Variants in DPP9 observed in about 807,000 individuals in gnomAD.
DPP9 encodes the protein dipeptidyl peptidase IV-related protein-2.
DPP9 carries 50 observed loss-of-function variants against 110.7 expected under a neutral mutation model. The ratio of observed to expected loss-of-function variants is 0.45; its 90% CI spans 0.36 to 0.57. The LOEUF (loss-of-function observed/expected upper bound fraction) is 0.57, where lower values mean the gene tolerates loss of function less well. Among genes scored for constraint, DPP9 ranks in the 20% least tolerant of loss-of-function variants. DPP9 has a pLI of 0.00. For missense variants in DPP9, 1,022 were observed against 1,217.9 expected (o/e 0.84, Z 2.39); for synonymous variants, 561 against 514.4 (o/e 1.09, Z -1.23).
intron 2 of DPP9, 89 bp from the exon 3 acceptor site, chr19:4,720,030 G>GT: frequency 8.7e-7 from 1 of 1,146,656 alleles, no homozygotes; most frequent in Non-Finnish European, 1.3e-6. Context: ...CCTCCTCATT[G>GT]CTCCAGGCAG....
chr19:4,705,759 G>A (rs1599926976), intron 5 of DPP9, 99 bp downstream of exon 5: 4 of 1,162,346 alleles, frequency 3.4e-6, no homozygotes. Context: ...CTCACAGCCG[G>A]TGGGGCAGAG....
At chr19:4,705,232 G>C (rs2041815399) in intron 5 of DPP9, among the ~76,000 whole-genome samples, 1 of 152,106 alleles carries the variant, frequency 6.6e-6, no homozygotes, top group Admixed American at 6.6e-5. Flanking sequence ...TTGCTATATT[G>C]TTACTATTTT....
chr19:4,699,405 T>C (rs527861261), intron 10 of DPP9, among the ~76,000 whole-genome samples: 55 of 152,134 alleles, frequency 3.6e-4, no homozygotes, highest in Non-Finnish European at 7.5e-4. Context: ...GTTACTTAAC[T>C]TCCTGACACC....
Position 4,682,791 on chromosome 19 carries a change from T to A in DPP9, c.2379A>T (p.Thr793=), listed in dbSNP as rs748796278. ...APVTVWMAYD[T]GYTERYMDVP... is the part of the protein sequence containing the mutation. ...CGTCCATGTAGCGCTCAGTGTACCC[T>A]GTGTCGTAGGCCATCCAGACGGTGA... Residue 793 remains threonine (T), a synonymous_variant, in exon 20 of 22, where the codon ACA becomes ACT. Transcript: ENST00000262960. This position sits in a 1 kb window ranked among gnomAD's most constrained non-coding sequence, Gnocchi z 7.1. 2 of 1,599,378 alleles carry A rather than the reference T, an allele frequency of 1.3e-6. No individual in the cohort carries two copies. The highest frequency in any genetic ancestry group is 8.5e-7 in the Non-Finnish European group (1 of 1,173,482).
rs551524398 is a variant in DPP9, at chr19:4,718,270, G to A, written c.56+1581C>T. On this transcript the variant is annotated intron_variant, in intron 3 of 21. Coordinates refer to ENST00000262960, the MANE Select transcript of DPP9 (RefSeq NM_139159.5). The surrounding 1 kb of genome is among the most constrained non-coding windows in gnomAD (Gnocchi z 4.3). ...CTGAGCTGGTGCTTTGGTGGCGAGC[G>A]GGGGCGGGGGAGTAGTTGGAGATGG... Among the ~76,000 whole-genome samples, 442 of 152,268 alleles carry A rather than the reference G, an allele frequency of 2.9e-3. 1 individual carries two copies. Among genetic ancestry groups the A allele is most frequent in the African/African-American group, 0.01 (419 of 41,568 alleles).
chr19:4,702,325 G>A (rs775420982), intron 8 of DPP9, among the ~76,000 whole-genome samples, 170 bp from the exon 9 acceptor site: 2 of 152,220 alleles, frequency 1.3e-5, no homozygotes, highest in Admixed American at 6.5e-5. Flanking sequence ...AACTCTCTGG[G>A]CTTCAGTTTC....
At chr19:4,722,703 A>G (rs2093374215) in intron 1 of DPP9, 152 bp from the exon 2 acceptor site, 4 of 629,110 alleles carry the variant, frequency 6.4e-6, no homozygotes, top group East Asian at 2.8e-5. Context: ...CACTGTCTGC[A>G]TGCCCTGGAC....
At chr19:4,677,125 T>C (rs2088944950) in intron 21 of DPP9, among the ~76,000 whole-genome samples, 1 of 152,088 alleles carries the variant, frequency 6.6e-6, no homozygotes, top group Non-Finnish European at 1.5e-5. Context: ...TTGTGAAGCA[T>C]TTTCTGGGTC....
Position 4,695,497 on chromosome 19 carries a change from G to T in DPP9, c.1234C>A (p.Pro412Thr). ...QQWLQLVLLPPALFIPSTENE... is the reference protein window; with the variant it reads ...QQWLQLVLLPTALFIPSTENE... ...TCTGTGCTCGGGATGAACAGGGCCG[G>T]GGGGAGGAGGACGAGCTGGAGCCAC... Residue 412 changes from proline (P) to threonine (T), a missense_variant, in exon 12 of 22, where the codon CCG becomes ACG. Physicochemically the swap from Pro to Thr is conservative, Grantham distance 38. Around this residue, in one of 3 missense-constraint regions of DPP9, gnomAD observed 810 missense variants for 920.6 expected, o/e 0.88. Coordinates refer to ENST00000262960, the MANE Select transcript of DPP9 (RefSeq NM_139159.5). The surrounding 1 kb of genome is among the most constrained non-coding windows in gnomAD (Gnocchi z 4.7). 1.9e-6 allele frequency: 3 copies of T among 1,559,916 alleles called. No homozygotes were observed. The highest frequency in any genetic ancestry group is 1.2e-5 in the South Asian group (1 of 82,968).
At chr19:4,706,391 G>A (rs1256872843) in intron 4 of DPP9, among the ~76,000 whole-genome samples, 1 of 150,998 alleles carries the variant, frequency 6.6e-6, no homozygotes, top group Non-Finnish European at 1.5e-5. Flanking sequence ...GCACACAAGA[G>A]AACAAGAAGG....
chr19:4,707,163 G>A (rs967571390), intron 4 of DPP9, among the ~76,000 whole-genome samples: 1 of 152,228 alleles, frequency 6.6e-6, no homozygotes, highest in Admixed American at 6.5e-5. Flanking sequence ...GGCACAATGT[G>A]TGTGACCCTC....
chr19:4,714,048 C>A, intron 4 of DPP9, 33 bp downstream of exon 4: 2 of 1,582,936 alleles, frequency 1.3e-6, no homozygotes, highest in Non-Finnish European at 1.7e-6. Flanking sequence ...CAGATGCTGT[C>A]CCCGCCCAAG....
Position 4,682,898 on chromosome 19 carries a change from T to C in DPP9, c.2332-60A>G, listed in dbSNP as rs1322969780. On this transcript the variant is annotated intron_variant, in intron 19 of 21. Coordinates refer to ENST00000262960, the MANE Select transcript of DPP9 (RefSeq NM_139159.5). This position sits in a 1 kb window ranked among gnomAD's most constrained non-coding sequence, Gnocchi z 7.1. ...AGAGAGAGAAACAGGCGTCGGGTCC[T>C]ACAGCCAGCATCAGCCGCTGTCCCG... 1 of 1,544,152 alleles carries C rather than the reference T, an allele frequency of 6.5e-7. No homozygotes were observed.
At position 4,688,498 on chromosome 19, in the gene DPP9, T is replaced by C. The variant is rs1407200684; in HGVS notation, c.1885+259A>G. 3.5e-5 allele frequency: 14 copies of C among 397,414 alleles called. No individual in the cohort carries two copies. The East Asian group carries it at 4.9e-4, about 14-fold the overall frequency. The allele number at this position is 397,414 out of a possible 1,614,324, so 24.6% of individuals were successfully genotyped here. On this transcript the variant is annotated intron_variant, in intron 16 of 21. Coordinates refer to ENST00000262960, the MANE Select transcript of DPP9 (RefSeq NM_139159.5). The stretch of plus-strand genomic sequence containing the variant: ...CACTGGTTACCATTTTGGCAGGGGG[T>C]TGGCACGGAGCTGCATCCCTGCCGG...
At chr19:4,709,161 G>A (rs1370298878) in intron 4 of DPP9, among the ~76,000 whole-genome samples, 4 of 150,854 alleles carry the variant, frequency 2.7e-5, no homozygotes, top group Non-Finnish European at 4.4e-5. Flanking sequence ...CTCGTGATCT[G>A]CCTGCCTCGG....
intron 3 of DPP9, 168 bp downstream of exon 3, chr19:4,719,683 C>T (rs952630537): frequency 1.3e-6 from 1 of 778,388 alleles, no homozygotes; most frequent in South Asian, 1.7e-5. Flanking sequence ...GGAGACCCCG[C>T]ACTACGCCAC....
At chr19:4,679,728 C>T (rs1344083299) in intron 21 of DPP9, 107 bp downstream of exon 21, 3 of 833,308 alleles carry the variant, frequency 3.6e-6, no homozygotes, top group Non-Finnish European at 5.8e-6. Flanking sequence ...CCCAGATCCC[C>T]CAGGGAGCCC....
chr19:4,717,651 CG>C (rs1273438349), intron 3 of DPP9: 1 of 152,220 alleles, frequency 6.6e-6, no homozygotes, highest in Non-Finnish European at 1.5e-5. Context: ...AGCAAAAATT[CG>C]ATCCCGGAGA....
rs1234701541 is a variant in DPP9 at position 4,711,513 on chromosome 19, CTG to C, written c.313+2566_313+2567del. The stretch of plus-strand genomic sequence containing the variant: ...GCAGGCCAGGCACGGTGGCTTACGC[CTG>C]TAATCTCAGCACTCTGGGAGGCTGA... On this transcript the variant is annotated intron_variant, in intron 4 of 21. Coordinates refer to ENST00000262960, the MANE Select transcript of DPP9 (RefSeq NM_139159.5). Among the ~76,000 whole-genome samples the C allele has an allele frequency of 4.6e-5, 7 of 152,238 alleles. No individual in the cohort carries two copies. In the South Asian group the frequency reaches 1.0e-3, roughly 23 times the overall value.
Sources: gnomAD v4.1 joint callset for allele counts (sites outside exome capture counted in the v4.1 genomes callset) on GRCh38, gnomAD v4.1.1 for gene constraint, gnomAD v4.1.1 regional missense constraint, Gnocchi (gnomAD v3.1) non-coding constraint, MANE v1.5 for transcripts, NCBI Gene and HGNC (gene_info 2026-07-23, HGNC 2026-07-21) for gene names.